Variants in TMEM163 observed in about 807,000 individuals in gnomAD.
TMEM163 encodes the protein transmembrane protein 163.
Under a neutral mutation model 29.3 loss-of-function variants are expected in TMEM163, and 17 were observed. That is an observed-to-expected ratio of 0.58 (90% CI 0.40 to 0.87). The LOEUF (loss-of-function observed/expected upper bound fraction) is 0.87, where lower values mean the gene tolerates loss of function less well. TMEM163 is among the 40% of genes least tolerant of loss of function. TMEM163 has a pLI of 0.00. For synonymous variants in TMEM163, 157 were observed against 160.6 expected, an observed-to-expected ratio of 0.98 and a Z score of 0.17; for missense variants, 303 against 381.5, an observed-to-expected ratio of 0.79 and a Z score of 1.71.
intron 4 of TMEM163, among the ~76,000 whole-genome samples, chr2:134,530,211 C>T (rs544046404): frequency 1.3e-5 from 2 of 152,236 alleles, no homozygotes; most frequent in Admixed American, 1.3e-4. Context: ...CTGTGGATGC[C>T]CTCTGATTCT....
chr2:134,634,024 AG>A (rs1683048273), intron 2 of TMEM163, among the ~76,000 whole-genome samples: 1 of 114,362 alleles, frequency 8.7e-6, no homozygotes, highest in Non-Finnish European at 1.9e-5. Flanking sequence ...TATATATAAT[AG>A]GACTGTTTTA....
At chr2:134,577,181 T>C (rs1681574602) in intron 2 of TMEM163, among the ~76,000 whole-genome samples, 1 of 152,184 alleles carries the variant, frequency 6.6e-6, no homozygotes, top group Non-Finnish European at 1.5e-5. Flanking sequence ...TAATGTCATA[T>C]ACACACACGT....
At chr2:134,710,280 A>C (rs1684898626) in intron 2 of TMEM163, among the ~76,000 whole-genome samples, 1 of 152,248 alleles carries the variant, frequency 6.6e-6, no homozygotes, top group African/African-American at 2.4e-5. Flanking sequence ...ATGTCAGGTA[A>C]AAATACAAAT....
intron 2 of TMEM163, among the ~76,000 whole-genome samples, chr2:134,668,842 C>T (rs930808753): frequency 6.6e-6 from 1 of 152,046 alleles, no homozygotes; most frequent in African/African-American, 2.4e-5. Context: ...GCAAGATGGG[C>T]CTGTGTTCAC....
At chr2:134,469,274 G>A (rs1439225847) in intron 5 of TMEM163, 2 of 152,102 alleles carry the variant, frequency 1.3e-5, no homozygotes, top group African/African-American at 4.8e-5. Flanking sequence ...TGGACCGGAG[G>A]GCCCCGAGGT....
At chr2:134,558,528 G>A (rs976094627) in intron 2 of TMEM163, among the ~76,000 whole-genome samples, 2 of 152,170 alleles carry the variant, frequency 1.3e-5, no homozygotes, top group African/African-American at 4.8e-5. Context: ...GCTGGAAAAT[G>A]GACAGGACCC....
At position 134,460,082 on chromosome 2, in the gene TMEM163, CCCA is replaced by C. The variant is rs1234710507; in HGVS notation, c.668-1912_668-1910del. ...AGCCCCTTGCCAGATGTTACCCCCC[CCCA>C]AATTCATTCTCACTCTCCCCGCTGA... On this transcript the variant is annotated intron_variant, in intron 6 of 7. Transcript: ENST00000281924. The surrounding 1 kb of genome is among the most constrained non-coding windows in gnomAD (Gnocchi z 4.3). Among the ~76,000 whole-genome samples, 2 of 148,660 alleles carry C rather than the reference CCCA, an allele frequency of 1.3e-5. No individual in the cohort carries two copies. The highest frequency in any genetic ancestry group is 3.0e-5 in the Non-Finnish European group (2 of 67,084).
At chr2:134,605,438 C>T (rs1313261843) in intron 2 of TMEM163, among the ~76,000 whole-genome samples, 1 of 152,138 alleles carries the variant, frequency 6.6e-6, no homozygotes, top group Non-Finnish European at 1.5e-5. Context: ...GCAGGGTAGC[C>T]TGTAATATCA....
intron 5 of TMEM163, among the ~76,000 whole-genome samples, chr2:134,482,471 A>C (rs1476542060): frequency 6.6e-6 from 1 of 152,216 alleles, no homozygotes; most frequent in East Asian, 1.9e-4. Flanking sequence ...GCCTGCAAAA[A>C]GGCGTCCTCT....
chr2:134,485,859 T>C (rs1319523989), intron 5 of TMEM163, among the ~76,000 whole-genome samples: 2 of 151,940 alleles, frequency 1.3e-5, no homozygotes, highest in African/African-American at 2.4e-5. Flanking sequence ...AGAGCACAAG[T>C]AAACAAGTAA....
chr2:134,606,306 G>A (rs140054347), intron 2 of TMEM163, among the ~76,000 whole-genome samples: 2 of 150,778 alleles, frequency 1.3e-5, no homozygotes, highest in African/African-American at 4.9e-5. Flanking sequence ...CCGCACCATT[G>A]CACTCCAGCC....
intron 2 of TMEM163, among the ~76,000 whole-genome samples, chr2:134,671,864 G>A (rs1684003544): frequency 6.6e-6 from 1 of 152,218 alleles, no homozygotes; most frequent in South Asian, 2.1e-4. Context: ...GAACTTGGCT[G>A]ACTCATCTGT....
chr2:134,674,344 T>G (rs1466811164), intron 2 of TMEM163, among the ~76,000 whole-genome samples: 1 of 145,696 alleles, frequency 6.9e-6, no homozygotes, highest in East Asian at 2.0e-4. Context: ...TCATTAATTT[T>G]TTTTTTTTTT....
chr2:134,504,322 C>T (rs781304860), intron 4 of TMEM163, among the ~76,000 whole-genome samples: 12 of 151,630 alleles, frequency 7.9e-5, no homozygotes, highest in African/African-American at 2.9e-4. Flanking sequence ...CAGGTTGGAG[C>T]AAAACACAAA....
At chr2:134,613,930 T>C (rs543772842) in intron 2 of TMEM163, among the ~76,000 whole-genome samples, 164 of 152,310 alleles carry the variant, frequency 1.1e-3, no homozygotes, top group African/African-American at 3.8e-3. Flanking sequence ...TCTAATTCAG[T>C]TCTAGTAAAA....
intron 4 of TMEM163, among the ~76,000 whole-genome samples, chr2:134,518,845 C>A (rs1368365705): frequency 6.6e-6 from 1 of 152,130 alleles, no homozygotes. Context: ...TTGTCTCAGG[C>A]CCCAGTCCCA....
At chr2:134,522,089 C>G (rs1163664257) in intron 4 of TMEM163, among the ~76,000 whole-genome samples, 1 of 152,138 alleles carries the variant, frequency 6.6e-6, no homozygotes, top group East Asian at 1.9e-4. Context: ...TATACTGCCC[C>G]ATCCTAGATC....
At chr2:134,705,535 G>A (rs1455363228) in intron 2 of TMEM163, among the ~76,000 whole-genome samples, 2 of 152,170 alleles carry the variant, frequency 1.3e-5, no homozygotes, top group African/African-American at 4.8e-5. Context: ...CGTCAGGCAT[G>A]GGAGAAGGTG....
chr2:134,491,654 C>T (rs1368462610), intron 5 of TMEM163, among the ~76,000 whole-genome samples: 1 of 152,202 alleles, frequency 6.6e-6, no homozygotes, highest in Non-Finnish European at 1.5e-5. Flanking sequence ...ATCTGAGGAT[C>T]TGTTTCCTTG....
Sources: allele counts gnomAD v4.1 joint callset (sites outside exome capture counted in the v4.1 genomes callset), GRCh38; gene constraint gnomAD v4.1.1; non-coding constraint Gnocchi (gnomAD v3.1); transcripts MANE v1.5; gene names NCBI Gene and HGNC (gene_info 2026-07-23, HGNC 2026-07-21).